The following RNF38 variants were observed in gnomAD, a reference collection of about 807,000 sequenced individuals.
RNF38 encodes the protein E3 ubiquitin-protein ligase RNF38.
A neutral mutation model predicts 67.2 loss-of-function variants in RNF38; 15 were observed. The ratio of observed to expected loss-of-function variants is 0.22; its 90% CI spans 0.15 to 0.34. The LOEUF (loss-of-function observed/expected upper bound fraction) is 0.34. RNF38 is among the 10% of genes least tolerant of loss of function. The probability of loss-of-function intolerance (pLI) is 1.00; values close to 1 mark genes in which losing one functional copy is unlikely to be tolerated. For synonymous variants in RNF38, 220 were observed against 218.8 expected (o/e 1.01, Z -0.05); for missense variants, 524 against 639.9 (o/e 0.82, Z 1.95).
chr9:36,477,840 A>G (rs1587213918), intron 1 of RNF38, among the ~76,000 whole-genome samples: 1 of 143,546 alleles, frequency 7.0e-6, no homozygotes, highest in East Asian at 2.0e-4. Context: ...AAAAAAAGAA[A>G]GAAAAAAGGA....
intron 1 of RNF38, among the ~76,000 whole-genome samples, chr9:36,444,404 TCA>T (rs2134310597): frequency 6.6e-6 from 1 of 152,266 alleles, no homozygotes; most frequent in South Asian, 2.1e-4. Context: ...AACCACCATG[TCA>T]CACGTTTACC....
At chr9:36,412,859 G>A (rs778033138) in intron 2 of RNF38, among the ~76,000 whole-genome samples, 3 of 152,188 alleles carry the variant, frequency 2.0e-5, no homozygotes, top group Non-Finnish European at 4.4e-5. Context: ...GATCACCTGA[G>A]GTCGGGAGTT....
At chr9:36,402,638 T>G (rs760574367), upstream of RNF38, among the ~76,000 whole-genome samples, 1 of 152,146 alleles carries the variant, frequency 6.6e-6, no homozygotes. Flanking sequence ...TTGGGAGCTA[T>G]CTAACTGTAA....
intron 9 of RNF38, among the ~76,000 whole-genome samples, chr9:36,350,213 G>A (rs756290385): frequency 1.3e-5 from 2 of 152,184 alleles, no homozygotes; most frequent in East Asian, 1.9e-4. Flanking sequence ...CTTTCTATTC[G>A]CAGTTCCTAA....
chr9:36,383,420 G>C (rs1344656502), intron 2 of RNF38, among the ~76,000 whole-genome samples: 1 of 152,104 alleles, frequency 6.6e-6, no homozygotes, highest in East Asian at 1.9e-4. Flanking sequence ...TTTATTTCTT[G>C]ACCTCATGAT....
intron 1 of RNF38, among the ~76,000 whole-genome samples, chr9:36,453,182 T>C (rs959567529): frequency 1.3e-5 from 2 of 152,138 alleles, no homozygotes; most frequent in Non-Finnish European, 2.9e-5. Flanking sequence ...TCTATTATTA[T>C]AGCCATCTTA....
intron 1 of RNF38, among the ~76,000 whole-genome samples, chr9:36,450,077 G>T (rs1181635142): frequency 1.3e-5 from 2 of 152,084 alleles, no homozygotes; most frequent in Non-Finnish European, 2.9e-5. Context: ...TATTGTGGTA[G>T]AATATACATA....
intron 1 of RNF38, among the ~76,000 whole-genome samples, chr9:36,457,400 C>G (rs1192502052): frequency 1.3e-5 from 2 of 152,204 alleles, no homozygotes; most frequent in Non-Finnish European, 2.9e-5. Context: ...CTCTTTTCCA[C>G]TGAGCTATAA....
intron 1 of RNF38, among the ~76,000 whole-genome samples, chr9:36,399,452 G>A (rs1432220301): frequency 8.2e-5 from 12 of 146,770 alleles, no homozygotes; most frequent in Admixed American, 4.8e-4. Flanking sequence ...ATGATTAGCA[G>A]GTTTGCAAAA....
intron 2 of RNF38, among the ~76,000 whole-genome samples, chr9:36,418,757 GCC>G (rs1341551677): frequency 2.6e-5 from 4 of 152,070 alleles, no homozygotes; most frequent in African/African-American, 4.8e-5. Context: ...CTGCACTCCA[GCC>G]TGGGTGACAG....
intron 1 of RNF38, among the ~76,000 whole-genome samples, chr9:36,477,617 C>G (rs1032365819): frequency 6.6e-6 from 1 of 151,486 alleles, no homozygotes; most frequent in African/African-American, 2.4e-5. Flanking sequence ...GTCAGGAGAT[C>G]GAGACCAACC....
chr9:36,477,758 C>T (rs1423874833), intron 1 of RNF38, among the ~76,000 whole-genome samples: 2 of 147,312 alleles, frequency 1.4e-5, no homozygotes, highest in Non-Finnish European at 3.0e-5. Context: ...GGAGGTGGAG[C>T]TTGCAGTGAG....
At chr9:36,349,332 T>C (rs1023231025) in intron 9 of RNF38, among the ~76,000 whole-genome samples, 3 of 152,196 alleles carry the variant, frequency 2.0e-5, no homozygotes, top group Non-Finnish European at 2.9e-5. Context: ...CTAACAGGTA[T>C]GAAGTGATAT....
chr9:36,462,876 T>C (rs1278564888), intron 1 of RNF38, among the ~76,000 whole-genome samples: 1 of 152,042 alleles, frequency 6.6e-6, no homozygotes, highest in Non-Finnish European at 1.5e-5. Context: ...AGTTTCACCA[T>C]GTTGGCCAGG....
intron 1 of RNF38, among the ~76,000 whole-genome samples, chr9:36,470,342 G>A (rs1587199820): frequency 6.6e-6 from 1 of 152,118 alleles, no homozygotes; most frequent in Admixed American, 6.6e-5. Flanking sequence ...ATAATGCTTC[G>A]CACCCATCCA....
intron 1 of RNF38, among the ~76,000 whole-genome samples, chr9:36,426,364 T>A (rs1174771829): frequency 6.6e-6 from 1 of 152,098 alleles, no homozygotes; most frequent in South Asian, 2.1e-4. Flanking sequence ...CAACCACCAC[T>A]CCAACTTCTG....
chr9:36,406,658 A>G (rs1838191551), intron 2 of RNF38, among the ~76,000 whole-genome samples: 2 of 152,242 alleles, frequency 1.3e-5, no homozygotes, highest in South Asian at 4.1e-4. Context: ...TGATATGTAA[A>G]TATTTCACAG....
chr9:36,343,088 A>G (rs2133352034), intron 10 of RNF38, among the ~76,000 whole-genome samples: 1 of 152,304 alleles, frequency 6.6e-6, no homozygotes, highest in Non-Finnish European at 1.5e-5. Flanking sequence ...AATAGTTGTT[A>G]TACTGTATTG....
intron 1 of RNF38, among the ~76,000 whole-genome samples, chr9:36,452,444 G>A (rs529578926): frequency 1.3e-5 from 2 of 151,858 alleles, no homozygotes; most frequent in African/African-American, 2.4e-5. Flanking sequence ...ATAAATAGAC[G>A]CATACTACAT....
Sources: gnomAD v4.1 joint callset for allele counts (sites outside exome capture counted in the v4.1 genomes callset) on GRCh38, gnomAD v4.1.1 for gene constraint, MANE v1.5 for transcripts, NCBI Gene and HGNC (gene_info 2026-07-23, HGNC 2026-07-21) for gene names.